CACNA2D3: variants seen among roughly 807,000 people sequenced by gnomAD.
CACNA2D3 encodes the protein voltage-dependent calcium channel subunit alpha-2/delta-3.
In CACNA2D3, 60 loss-of-function variants were observed where a neutral mutation model predicts 160.6. The observed-to-expected ratio is 0.37, with a 90% CI of 0.30 to 0.46. The LOEUF (loss-of-function observed/expected upper bound fraction) is 0.46. Among genes scored for constraint, CACNA2D3 ranks in the 20% least tolerant of loss-of-function variants. The pLI is 1.00. For missense variants in CACNA2D3, 1,205 were observed against 1,365.0 expected, an observed-to-expected ratio of 0.88 and a Z score of 1.85; for synonymous variants, 558 against 492.9, an observed-to-expected ratio of 1.13 and a Z score of -1.75.
At chr3:54,792,593 G>A (rs1378287224) in intron 13 of CACNA2D3, among the ~76,000 whole-genome samples, 1 of 152,106 alleles carries the variant, frequency 6.6e-6, no homozygotes, top group South Asian at 2.1e-4. Flanking sequence ...ATTTTCAGAT[G>A]AGGCTTTTTC....
At chr3:55,011,918 A>T (rs1180222656) in intron 34 of CACNA2D3, among the ~76,000 whole-genome samples, 1 of 97,936 alleles carries the variant, frequency 1.0e-5, no homozygotes, top group Non-Finnish European at 2.4e-5. Context: ...TACTAATAGG[A>T]GTGAAAAAAA....
At chr3:54,468,757 C>T (rs1447643017) in intron 4 of CACNA2D3, among the ~76,000 whole-genome samples, 2 of 152,126 alleles carry the variant, frequency 1.3e-5, no homozygotes, top group East Asian at 1.9e-4. Context: ...GTGCGTCTGC[C>T]ATTACTGAGG....
At chr3:54,183,881 G>A (rs920643215) in intron 2 of CACNA2D3, among the ~76,000 whole-genome samples, 15 of 72,610 alleles carry the variant, frequency 2.1e-4, no homozygotes, top group Non-Finnish European at 3.6e-4. Context: ...GCGAAACTCC[G>A]TCTCAAAAAA....
chr3:54,369,283 CAG>C (rs1022304143), intron 3 of CACNA2D3, among the ~76,000 whole-genome samples: 49 of 149,720 alleles, frequency 3.3e-4, no homozygotes, highest in African/African-American at 1.2e-3. Context: ...AAAAAAAAAA[CAG>C]TGGTATAGAG....
intron 2 of CACNA2D3, among the ~76,000 whole-genome samples, chr3:54,152,195 C>T (rs1267079202): frequency 6.6e-6 from 1 of 152,220 alleles, no homozygotes. Context: ...CTCTGTCTCC[C>T]ACGTAGCCTG....
intron 13 of CACNA2D3, among the ~76,000 whole-genome samples, chr3:54,767,298 A>G (rs1456424258): frequency 1.3e-5 from 2 of 152,216 alleles, no homozygotes; most frequent in Admixed American, 1.3e-4. Flanking sequence ...AGTACACACA[A>G]TATTAAATTT....
chr3:54,256,670 T>G (rs1298208586), intron 2 of CACNA2D3, among the ~76,000 whole-genome samples: 2 of 151,956 alleles, frequency 1.3e-5, no homozygotes, highest in Non-Finnish European at 2.9e-5. Context: ...TTAATGGCAT[T>G]GTGCTCTCTG....
chr3:54,923,601 CTG>C (rs1700916459), intron 27 of CACNA2D3, among the ~76,000 whole-genome samples: 2 of 152,234 alleles, frequency 1.3e-5, no homozygotes. Context: ...AATGGAATCT[CTG>C]TGATGGTTAG....
intron 11 of CACNA2D3, among the ~76,000 whole-genome samples, chr3:54,731,491 T>C (rs1470201662): frequency 6.6e-6 from 1 of 152,188 alleles, no homozygotes; most frequent in Non-Finnish European, 1.5e-5. Context: ...TAAGCATGCT[T>C]TTCCAGGTCA....
intron 35 of CACNA2D3, among the ~76,000 whole-genome samples, chr3:55,018,808 A>G (rs1703384085): frequency 1.3e-5 from 2 of 151,844 alleles, no homozygotes; most frequent in South Asian, 2.1e-4. Flanking sequence ...CTTTATTTCA[A>G]TTGGACAGTT....
intron 4 of CACNA2D3, among the ~76,000 whole-genome samples, chr3:54,492,181 C>T (rs1701121129): frequency 6.6e-6 from 1 of 152,168 alleles, no homozygotes; most frequent in Admixed American, 6.5e-5. Context: ...TGAAAATTGC[C>T]ACTTTCTGTG....
intron 2 of CACNA2D3, among the ~76,000 whole-genome samples, chr3:54,132,826 A>T (rs964271805): frequency 6.6e-6 from 1 of 152,178 alleles, no homozygotes; most frequent in South Asian, 2.1e-4. Flanking sequence ...CTGACTGGTC[A>T]TATGACCCTG....
intron 3 of CACNA2D3, among the ~76,000 whole-genome samples, chr3:54,336,854 A>C (rs948201614): frequency 7.9e-5 from 12 of 152,202 alleles, no homozygotes; most frequent in African/African-American, 2.9e-4. Context: ...ATATAAATTA[A>C]AAGTATATAA....
At chr3:54,162,209 C>T (rs1190362119) in intron 2 of CACNA2D3, among the ~76,000 whole-genome samples, 1 of 152,132 alleles carries the variant, frequency 6.6e-6, no homozygotes, top group Non-Finnish European at 1.5e-5. Context: ...AACGACACAC[C>T]GCAAAACTTC....
intron 2 of CACNA2D3, among the ~76,000 whole-genome samples, chr3:54,282,848 TTTG>T (rs1367899052): frequency 6.8e-6 from 1 of 146,900 alleles, no homozygotes; most frequent in Non-Finnish European, 1.5e-5. Flanking sequence ...TAGTTTTCGC[TTTG>T]TTTTTTTTTT....
At chr3:55,023,044 A>G (rs920799375) in intron 35 of CACNA2D3, among the ~76,000 whole-genome samples, 6 of 152,138 alleles carry the variant, frequency 3.9e-5, no homozygotes, top group Non-Finnish European at 7.4e-5. Flanking sequence ...AAGTTTTTCC[A>G]AGAATGATCT....
At chr3:54,578,954 TAA>T (rs1702631956) in intron 8 of CACNA2D3, among the ~76,000 whole-genome samples, 1 of 152,170 alleles carries the variant, frequency 6.6e-6, no homozygotes, top group Admixed American at 6.5e-5. Flanking sequence ...TTCTTATGCA[TAA>T]GATTCTGGGA....
chr3:54,816,777 A>G, intron 13 of CACNA2D3, 76 bp from the exon 14 acceptor site: 3 of 1,540,722 alleles, frequency 1.9e-6, no homozygotes, highest in South Asian at 2.4e-5. Flanking sequence ...TGGCAAGAAA[A>G]TGAAGCTTTA....
chr3:54,308,025 A>AT (rs1446910699), intron 2 of CACNA2D3, among the ~76,000 whole-genome samples: 7 of 152,210 alleles, frequency 4.6e-5, no homozygotes, highest in Non-Finnish European at 8.8e-5. Context: ...ATAATTACAC[A>AT]TACAAGTGCT....
Sources: allele counts gnomAD v4.1 joint callset (sites outside exome capture counted in the v4.1 genomes callset), GRCh38; gene constraint gnomAD v4.1.1; transcripts MANE v1.5; gene names NCBI Gene and HGNC (gene_info 2026-07-23, HGNC 2026-07-21).